PLCG2: variants seen among roughly 807,000 people sequenced by gnomAD.
PLCG2 encodes 1-phosphatidylinositol 4,5-bisphosphate phosphodiesterase gamma-2.
A neutral mutation model predicts 175.6 loss-of-function variants in PLCG2; 69 were observed. The observed-to-expected ratio is 0.39, with a 90% confidence interval of 0.32 to 0.48. The LOEUF (loss-of-function observed/expected upper bound fraction) is 0.48, where lower values mean the gene tolerates loss of function less well. PLCG2 is among the 20% of genes least tolerant of loss of function. The pLI is 0.91. For synonymous variants in PLCG2, 827 were observed against 624.0 expected, an observed-to-expected ratio of 1.33 and a Z score of -4.85; for missense variants, 1,798 against 1,650.9, an observed-to-expected ratio of 1.09 and a Z score of -1.54.
intron 13 of PLCG2, among the ~76,000 whole-genome samples, chr16:81,900,194 A>T (rs1251626715): frequency 6.6e-6 from 1 of 152,246 alleles, no homozygotes; most frequent in African/African-American, 2.4e-5. Context: ...TAAACATACT[A>T]AAGTAGGTGG....
intron 2 of PLCG2, among the ~76,000 whole-genome samples, chr16:81,803,907 C>G (rs555651826): frequency 6.6e-6 from 1 of 152,274 alleles, no homozygotes; most frequent in South Asian, 2.1e-4. Flanking sequence ...GTCTTGAACT[C>G]CTGGCCTCAA....
chr16:81,930,369 C>T (rs909498775), intron 24 of PLCG2, among the ~76,000 whole-genome samples: 2 of 152,158 alleles, frequency 1.3e-5, no homozygotes, highest in Non-Finnish European at 2.9e-5. Context: ...TCTGGTGACT[C>T]TTTGGTGTTT....
chr16:81,901,074 T>C (rs965006903), intron 14 of PLCG2, among the ~76,000 whole-genome samples: 1 of 152,242 alleles, frequency 6.6e-6, no homozygotes, highest in Non-Finnish European at 1.5e-5. Context: ...GCGCCTGTCA[T>C]GTGGTTGGTG....
In PLCG2 at chr16:81,823,564, C is replaced by T. The variant is rs116640858; in HGVS notation, c.194-30880C>T. On this transcript the variant is annotated intron_variant, in intron 2 of 32. Transcript: ENST00000564138. ...TTTAAGAGACAGGATCTGGCTCTGTCGCCCAGGCTGGAGGGCAGTAGTGTG... is the reference window on the plus strand; with the variant it reads ...TTTAAGAGACAGGATCTGGCTCTGTTGCCCAGGCTGGAGGGCAGTAGTGTG... Among the ~76,000 whole-genome samples the T allele has an allele frequency of 6.3e-3, 964 of 152,278 alleles. 9 individuals are homozygous for T. The highest frequency in any genetic ancestry group is 0.023 in the African/African-American group (936 of 41,554).
intron 2 of PLCG2, among the ~76,000 whole-genome samples, chr16:81,848,819 T>A (rs1236935669): frequency 6.6e-6 from 1 of 152,190 alleles, no homozygotes; most frequent in South Asian, 2.1e-4. Flanking sequence ...GGGCTGTGGA[T>A]CCACAGATTC....
At chr16:81,948,080 T>C (rs527780407) in intron 31 of PLCG2, among the ~76,000 whole-genome samples, 61 of 138,808 alleles carry the variant, frequency 4.4e-4, no homozygotes, top group African/African-American at 1.5e-3. Flanking sequence ...TGGCAGTTCT[T>C]TACTTTATAA....
intron 2 of PLCG2, among the ~76,000 whole-genome samples, chr16:81,824,336 G>A (rs547971881): frequency 3.3e-5 from 5 of 152,226 alleles, no homozygotes; most frequent in Non-Finnish European, 7.3e-5. Context: ...GTTTCACCAC[G>A]TTGGCCAGGC....
At chr16:81,858,423 A>G (rs1024240350) in intron 4 of PLCG2, 67 bp downstream of exon 4, 3 of 1,115,234 alleles carry the variant, frequency 2.7e-6, no homozygotes, top group African/African-American at 3.6e-5. Context: ...TTTAGCCAAC[A>G]TGGGCTACAG....
intron 7 of PLCG2, among the ~76,000 whole-genome samples, chr16:81,871,396 T>C (rs1907507111): frequency 6.6e-6 from 1 of 152,222 alleles, no homozygotes; most frequent in Admixed American, 6.5e-5. Context: ...TGGAGTGCAG[T>C]GGTGTGATCT....
At chr16:81,807,769 C>A (rs1398503834) in intron 2 of PLCG2, among the ~76,000 whole-genome samples, 8 of 152,094 alleles carry the variant, frequency 5.3e-5, no homozygotes, top group African/African-American at 1.9e-4. Context: ...GCTGGAGGGG[C>A]CCCAGGAAGC....
At chr16:81,743,383 C>A (rs962004400) in intron 1 of PLCG2, among the ~76,000 whole-genome samples, 1 of 152,118 alleles carries the variant, frequency 6.6e-6, no homozygotes, top group African/African-American at 2.4e-5. Flanking sequence ...AACCGGTGTG[C>A]TCTGTCTCTT....
rs77369818 is a variant in PLCG2, at chr16:81,854,202, C to T, written c.194-242C>T. Among the ~76,000 whole-genome samples, 158 of 152,230 alleles carry T rather than the reference C, an allele frequency of 1.0e-3. 2 individuals carry two copies. The East Asian group carries it at 0.027, about 26-fold the overall frequency. ...GTGTCTGTCTGAGAAACAGGGTGAG[C>T]GGAAACCCCAAACTCTTCAGACTCC... On this transcript the variant is annotated intron_variant, in intron 2 of 32. Coordinates refer to ENST00000564138, the MANE Select transcript of PLCG2 (RefSeq NM_002661.5).
chr16:81,903,925 C>T (rs1909256258), intron 14 of PLCG2, among the ~76,000 whole-genome samples: 1 of 152,162 alleles, frequency 6.6e-6, no homozygotes, highest in African/African-American at 2.4e-5. Flanking sequence ...TAGCGTTGGC[C>T]ACACGGTCAC....
intron 2 of PLCG2, among the ~76,000 whole-genome samples, chr16:81,797,730 T>G (rs1010622804): frequency 5.3e-5 from 8 of 152,236 alleles, no homozygotes; most frequent in Non-Finnish European, 1.0e-4. Flanking sequence ...GACAACTTCC[T>G]CTTTAACCAT....
At chr16:81,812,883 T>A (rs1904378662) in intron 2 of PLCG2, among the ~76,000 whole-genome samples, 1 of 152,216 alleles carries the variant, frequency 6.6e-6, no homozygotes, top group Non-Finnish European at 1.5e-5. Context: ...AGTTTCAGTT[T>A]TCTGCATATG....
At chr16:81,812,621 C>T (rs532449104) in intron 2 of PLCG2, among the ~76,000 whole-genome samples, 14 of 152,086 alleles carry the variant, frequency 9.2e-5, no homozygotes, top group Admixed American at 2.6e-4. Context: ...ATTTTTCTTC[C>T]ATTCTGTATG....
chr16:81,874,953 T>TTTGTTTTTTTGTTC (rs779252843), intron 7 of PLCG2, among the ~76,000 whole-genome samples: 51,512 of 122,748 alleles, frequency 0.42, 13,428 homozygotes, highest in Non-Finnish European at 0.51. Flanking sequence ...TATGTGTTTT[T>TTTGTTTTTTTGTTC]TTTTTTTTTT....
chr16:81,742,394 C>G (rs992605665), intron 1 of PLCG2, among the ~76,000 whole-genome samples: 1 of 152,156 alleles, frequency 6.6e-6, no homozygotes, highest in Non-Finnish European at 1.5e-5. Context: ...CAGGTGATGA[C>G]CCTGCCTGTG....
At chr16:81,837,032 A>G (rs8052319) in intron 2 of PLCG2, among the ~76,000 whole-genome samples, 164 of 152,310 alleles carry the variant, frequency 1.1e-3, no homozygotes, top group African/African-American at 3.9e-3. Context: ...CCATGGGAAG[A>G]CTCAACATCA....
Sources: allele counts gnomAD v4.1 joint callset (sites outside exome capture counted in the v4.1 genomes callset), GRCh38; gene constraint gnomAD v4.1.1; transcripts MANE v1.5; gene names NCBI Gene and HGNC (gene_info 2026-07-23, HGNC 2026-07-21).